Variants in DCN observed in about 807,000 individuals in gnomAD.
The protein encoded by DCN is bone proteoglycan II.
In DCN, 17 loss-of-function variants were observed where a neutral mutation model predicts 36.5. That is an observed-to-expected ratio of 0.47 (90% confidence interval 0.32 to 0.70). The LOEUF is 0.70. Among genes scored for constraint, DCN ranks in the 30% least tolerant of loss-of-function variants. DCN has a pLI of 0.04. For synonymous variants in DCN, 163 were observed against 161.4 expected, an observed-to-expected ratio of 1.01 and a Z score of -0.07; for missense variants, 389 against 430.1, an observed-to-expected ratio of 0.90 and a Z score of 0.84.
intron 5 of DCN, among the ~76,000 whole-genome samples, chr12:91,155,054 A>G (rs1881672224): frequency 6.6e-6 from 1 of 152,160 alleles, no homozygotes. Flanking sequence ...ATATTCAGGC[A>G]TAGGTATCCC....
At chr12:91,171,794 A>T (rs1179805886) in intron 2 of DCN, among the ~76,000 whole-genome samples, 1 of 152,248 alleles carries the variant, frequency 6.6e-6, no homozygotes, top group Admixed American at 6.5e-5. Flanking sequence ...AGTGACCCCA[A>T]GTGAGAACAG....
At position 91,178,332 on chromosome 12, in the gene DCN, T is replaced by A. The variant is rs761210879; in HGVS notation, c.211+10A>T. ...GTAAGGTAGGTAAAGAGAAACTGCA[T>A]CCCACTCACCCAAATCAGAACACTG... On this transcript the variant is annotated intron_variant, in intron 2 of 7. Transcript: ENST00000052754. The A allele has an allele frequency of 1.9e-6, 3 of 1,610,826 alleles. No individual in the cohort carries two copies. The African/African-American group carries it at 4.0e-5, about 22-fold the overall frequency.
At chr12:91,157,782 C>T (rs1026350742) in intron 4 of DCN, among the ~76,000 whole-genome samples, 3 of 152,080 alleles carry the variant, frequency 2.0e-5, no homozygotes, top group African/African-American at 7.2e-5. Context: ...GCCCCCACCA[C>T]CACGCCCGGC....
intron 5 of DCN, among the ~76,000 whole-genome samples, chr12:91,156,622 G>GA (rs35872055): frequency 5.6e-4 from 83 of 149,200 alleles, no homozygotes; most frequent in Admixed American, 2.5e-3. Flanking sequence ...TCTTAAAAAG[G>GA]AAAAAAAAAT....
intron 2 of DCN, among the ~76,000 whole-genome samples, chr12:91,169,378 C>CTAAAAAAAAAAAAAAAAAAAA (rs71097880): frequency 2.7e-5 from 2 of 73,408 alleles, no homozygotes; most frequent in South Asian, 5.8e-4. Context: ...GAGATCCTGT[C>CTAAAAAAAAAAAAAAAAAAAA]AAAAAAAAAA....
intron 2 of DCN, among the ~76,000 whole-genome samples, chr12:91,173,685 T>C (rs1363551292): frequency 6.6e-6 from 1 of 152,188 alleles, no homozygotes; most frequent in East Asian, 1.9e-4. Context: ...CAGACATAAA[T>C]GATAAAGGCA....
rs372382508 is a variant in DCN at position 91,158,344 on chromosome 12, T to C, written c.490A>G (p.Lys164Glu). 12 of 1,613,884 alleles carry C rather than the reference T, an allele frequency of 7.4e-6. No individual in the cohort carries two copies. The African/African-American group carries it at 1.5e-4, about 20-fold the overall frequency. ...ELRAHENEITKVRKVTFNGLN... is the reference protein window; with the variant it reads ...ELRAHENEITEVRKVTFNGLN... The stretch of plus-strand genomic sequence containing the variant: ...CCATTGAAAGTAACTTTTCGCACTT[T>C]GGTGATCTCATTCTCATGGGCACGC... The change falls in exon 4 of 8, where the codon AAA becomes GAA. Residue 164 changes from lysine to glutamate, a missense_variant. By Grantham distance (56) the Lys-to-Glu change is moderately conservative. Transcript: ENST00000052754.
At chr12:91,162,898 TC>T (rs1882250364) in intron 3 of DCN, among the ~76,000 whole-genome samples, 1 of 152,182 alleles carries the variant, frequency 6.6e-6, no homozygotes, top group Non-Finnish European at 1.5e-5. Flanking sequence ...CATCCACCTC[TC>T]CATCCACGGT....
chr12:91,168,044 G>T lies in DCN; in HGVS notation c.212-3327C>A, dbSNP rs1402975674. On this transcript the variant is annotated intron_variant, in intron 2 of 7. Transcript: ENST00000052754. The stretch of plus-strand genomic sequence containing the variant: ...GATGGAGTTTCACCGTGTTAGCCAG[G>T]ATGGTCTCGATCTCCTGACCTCATG... Among the ~76,000 whole-genome samples the T allele has an allele frequency of 2.0e-5, 3 of 152,216 alleles. No individual in the cohort carries two copies. In the South Asian group the frequency reaches 6.2e-4, roughly 32 times the overall value.
intron 1 of DCN, chr12:91,180,503 T>A (rs927859784): frequency 6.6e-6 from 1 of 152,186 alleles, no homozygotes; most frequent in Non-Finnish European, 1.5e-5. Flanking sequence ...AAACAAATGT[T>A]TTTCAGTTTC....
At chr12:91,160,765 TA>T (rs1168308940) in intron 3 of DCN, among the ~76,000 whole-genome samples, 1 of 152,134 alleles carries the variant, frequency 6.6e-6, no homozygotes, top group Non-Finnish European at 1.5e-5. Flanking sequence ...GATTTTTAAT[TA>T]AAAAAATTTT....
At chr12:91,162,131 G>A (rs1400139884) in intron 3 of DCN, among the ~76,000 whole-genome samples, 2 of 152,030 alleles carry the variant, frequency 1.3e-5, no homozygotes, top group Non-Finnish European at 2.9e-5. Flanking sequence ...AGTAGAGACA[G>A]GGTTTCACCA....
rs1880786489 is a variant in DCN, at chr12:91,142,562, C to G, written c.*3496G>C. ...GAAGAAGAGGAGATCCAAGTTATGC[C>G]TAATTTATGTCATGAGAATTACATA... On this transcript the variant is annotated 3_prime_UTR_variant, in exon 8 of 8. Coordinates refer to ENST00000052754, the MANE Select transcript of DCN (RefSeq NM_001920.5). 1 of 152,168 alleles carries G rather than the reference C, an allele frequency of 6.6e-6. No individual in the cohort carries two copies. The highest frequency in any genetic ancestry group is 6.5e-5 in the Admixed American group (1 of 15,282). The allele number at this position is 152,168 out of a possible 1,614,324, so 9.4% of individuals were successfully genotyped here.
At chr12:91,170,266 C>T (rs1263151314) in intron 2 of DCN, among the ~76,000 whole-genome samples, 1 of 152,068 alleles carries the variant, frequency 6.6e-6, no homozygotes, top group African/African-American at 2.4e-5. Flanking sequence ...GTGTTGCTCT[C>T]ATTATCCTTC....
Position 91,168,080 on chromosome 12 carries a change from C to T in DCN, c.212-3363G>A, listed in dbSNP as rs180709998. Among the ~76,000 whole-genome samples the T allele has an allele frequency of 4.1e-3, 624 of 152,248 alleles. 5 individuals are homozygous for T. Among genetic ancestry groups the T allele is most frequent in the African/African-American group, 0.013 (552 of 41,534 alleles). On this transcript the variant is annotated intron_variant, in intron 2 of 7. Coordinates refer to ENST00000052754, the MANE Select transcript of DCN (RefSeq NM_001920.5). ...TCTCCTGACCTCATGATCCACCAGC[C>T]TCGGCCTCCCAAAGTGCTGGGATTA...
intron 7 of DCN, among the ~76,000 whole-genome samples, chr12:91,148,706 C>A (rs1161019551): frequency 1.9e-5 from 2 of 105,628 alleles, no homozygotes; most frequent in Admixed American, 2.7e-4. Context: ...GGTGACAGAG[C>A]GAGACGCTCC....
chr12:91,153,135 ACT>A lies in DCN; in HGVS notation c.705_706del (p.Arg235SerfsTer2). 6.2e-7 allele frequency: 1 copy of A among 1,611,042 alleles called. No homozygotes were observed. Among genetic ancestry groups the A allele is most frequent in the Non-Finnish European group, 8.5e-7 (1 of 1,177,314 alleles). On this transcript the variant is annotated frameshift_variant, in exon 6 of 8. Coordinates refer to ENST00000052754, the MANE Select transcript of DCN (RefSeq NM_001920.5). LOFTEE classifies it high-confidence loss of function. ...CAGTCCTTTCAGGCTAGCTGCATCA[ACT>A]CTGCTGATTTTGTTGCCATCAAGAT...
At chr12:91,165,524 G>A (rs564168957) in intron 2 of DCN, among the ~76,000 whole-genome samples, 1 of 152,144 alleles carries the variant, frequency 6.6e-6, no homozygotes, top group South Asian at 2.1e-4. Flanking sequence ...AGTCATATAA[G>A]GATGAACCAG....
At position 91,146,084 on chromosome 12, in the gene DCN, C is replaced by T. The variant is rs750454825; in HGVS notation, c.1054G>A (p.Ala352Thr). ...TACTTATAGTTTCCGAGTTGAATGGCAGAGCGCACGTAGACACATCTGAAG... is the reference window on the plus strand; with the variant it reads ...TACTTATAGTTTCCGAGTTGAATGGTAGAGCGCACGTAGACACATCTGAAG... ...STFRCVYVRSAIQLGNYK is the reference protein window; with the variant it reads ...STFRCVYVRSTIQLGNYK The change falls in exon 8 of 8, where the codon GCC becomes ACC. Residue 352 changes from alanine to threonine, a missense_variant. Physicochemically the swap from Ala to Thr is moderately conservative, Grantham distance 58. Coordinates refer to ENST00000052754, the MANE Select transcript of DCN (RefSeq NM_001920.5). 16 of 1,613,830 alleles carry T rather than the reference C, an allele frequency of 9.9e-6. No homozygotes were observed. In the South Asian group the frequency reaches 1.8e-4, roughly 18 times the overall value.
Sources: allele counts gnomAD v4.1 joint callset (sites outside exome capture counted in the v4.1 genomes callset), GRCh38; gene constraint gnomAD v4.1.1; transcripts MANE v1.5; gene names NCBI Gene and HGNC (gene_info 2026-07-23, HGNC 2026-07-21).